The following PARG variants were observed in gnomAD, a reference collection of about 807,000 sequenced individuals.
The protein encoded by PARG is mitochondrial poly(ADP-ribose) glycohydrolase.
In PARG, 35 loss-of-function variants were observed where a neutral mutation model predicts 113.0. The ratio of observed to expected loss-of-function variants is 0.31; its 90% CI spans 0.24 to 0.41. The LOEUF (loss-of-function observed/expected upper bound fraction) is 0.41, where lower values mean the gene tolerates loss of function less well. Among genes scored for constraint, PARG ranks in the 10% least tolerant of loss-of-function variants. The pLI is 1.00. For missense variants in PARG, 797 were observed against 1,169.4 expected (o/e 0.68, Z 4.64); for synonymous variants, 330 against 409.9 (o/e 0.81, Z 2.36).
intron 13 of PARG, among the ~76,000 whole-genome samples, chr10:49,852,781 G>A (rs1358750983): frequency 1.3e-5 from 2 of 151,264 alleles, no homozygotes; most frequent in Non-Finnish European, 2.9e-5. Context: ...AGCCAGGATG[G>A]TCTCAATCTC....
At chr10:49,916,989 C>G (rs1429656542) in intron 6 of PARG, among the ~76,000 whole-genome samples, 2 of 151,926 alleles carry the variant, frequency 1.3e-5, no homozygotes, top group South Asian at 2.1e-4. Flanking sequence ...GTACTTCATG[C>G]CATACTAAGT....
rs1429546107 is a variant in PARG, at chr10:49,915,932, G to A, written c.1722C>T (p.Ile574=). ...YSKKWDFTAL[I]DFWDKVLEEA... ...ATACTTTTACCTTATCCCAGAAATC[G>A]ATCAAAGCTGTAAAGTCCCATTTCT... The change falls in exon 7 of 18, where the codon ATC becomes ATT. Residue 574 remains isoleucine (I), a synonymous_variant. Transcript: ENST00000616448. 25 of 1,512,214 alleles carry A rather than the reference G, an allele frequency of 1.7e-5. No individual in the cohort carries two copies. Among genetic ancestry groups the A allele is most frequent in the East Asian group, 2.5e-5 (1 of 40,800 alleles). The allele number at this position is 1,512,214 out of a possible 1,614,324, so 93.7% of individuals were successfully genotyped here.
In PARG at chr10:49,941,851, C is replaced by A; in HGVS notation, c.-126G>T. 1 of 1,513,460 alleles carries A rather than the reference C, an allele frequency of 6.6e-7. No homozygotes were observed. The allele number at this position is 1,513,460 out of a possible 1,614,324, so 93.8% of individuals were successfully genotyped here. A position where few individuals can be genotyped will look rare whatever the true frequency, so the allele number is the denominator to read the frequency against. On this transcript the variant is annotated 5_prime_UTR_variant, in exon 1 of 18. The change creates a new upstream start codon in the 5' untranslated region. Coordinates refer to ENST00000616448, the MANE Select transcript of PARG (RefSeq NM_003631.5). The stretch of plus-strand genomic sequence containing the variant: ...TGCACCATTCCCTCTCTGCCGCTGC[C>A]TGCTTCTGCAATTGCTGATCCGCCG...
At chr10:49,937,910 T>C (rs1316966083) in intron 1 of PARG, among the ~76,000 whole-genome samples, 40,531 of 152,164 alleles carry the variant, frequency 0.27, 5,696 homozygotes, top group Non-Finnish European at 0.32. Context: ...AATATCACTG[T>C]TTCTGGCTTC....
At chr10:49,857,072 G>C (rs1447818437) in intron 13 of PARG, among the ~76,000 whole-genome samples, 2 of 150,412 alleles carry the variant, frequency 1.3e-5, no homozygotes, top group Non-Finnish European at 3.0e-5. Context: ...TTTAATCCCT[G>C]TTCCTCAGAT....
At chr10:49,939,463 G>A (rs1278132319) in intron 1 of PARG, among the ~76,000 whole-genome samples, 1 of 152,138 alleles carries the variant, frequency 6.6e-6, no homozygotes, top group Non-Finnish European at 1.5e-5. Flanking sequence ...TGGCTTATTT[G>A]CCAGGTTACA....
chr10:49,920,528 A>C (rs569531592), intron 6 of PARG, among the ~76,000 whole-genome samples: 1 of 138,704 alleles, frequency 7.2e-6, no homozygotes, highest in African/African-American at 2.6e-5. Flanking sequence ...ATGTATATAC[A>C]TGTATATATA....
intron 16 of PARG, among the ~76,000 whole-genome samples, chr10:49,829,375 G>A (rs1290498205): frequency 6.6e-6 from 1 of 152,084 alleles, no homozygotes; most frequent in African/African-American, 2.4e-5. Context: ...TGGGACTATA[G>A]GCGCATACCA....
intron 4 of PARG, among the ~76,000 whole-genome samples, chr10:49,927,238 C>T: frequency 6.6e-6 from 1 of 151,542 alleles, no homozygotes; most frequent in Non-Finnish European, 1.5e-5. Flanking sequence ...ACCTGGGAGG[C>T]AGAGGTTGCA....
intron 1 of PARG, among the ~76,000 whole-genome samples, chr10:49,940,464 C>G (rs1489324077): frequency 2.0e-5 from 3 of 146,828 alleles, no homozygotes; most frequent in African/African-American, 7.6e-5. Flanking sequence ...CCTCATCTCT[C>G]ACACTCTCTT....
At chr10:49,869,308 T>C (rs1359977563) in intron 10 of PARG, among the ~76,000 whole-genome samples, 168 bp downstream of exon 10, 11 of 152,218 alleles carry the variant, frequency 7.2e-5, no homozygotes, top group African/African-American at 2.4e-4. Context: ...TTTATGCTTA[T>C]ACACAACATA....
At chr10:49,940,855 TTCC>T (rs1839011722) in intron 1 of PARG, among the ~76,000 whole-genome samples, 1 of 152,162 alleles carries the variant, frequency 6.6e-6, no homozygotes, top group South Asian at 2.1e-4. Context: ...CACTTCTTAC[TTCC>T]TCTTCATCTA....
intron 3 of PARG, among the ~76,000 whole-genome samples, chr10:49,932,938 C>A (rs1467674079): frequency 6.6e-6 from 1 of 151,904 alleles, no homozygotes; most frequent in African/African-American, 2.4e-5. Flanking sequence ...CCCATAAATA[C>A]CAAAAGGAAA....
chr10:49,929,163 G>C (rs1198803879), intron 4 of PARG, among the ~76,000 whole-genome samples: 4 of 151,124 alleles, frequency 2.6e-5, no homozygotes, highest in Admixed American at 6.6e-5. Flanking sequence ...TATAATGACG[G>C]TACAGGATGG....
At chr10:49,893,370 T>C (rs1304854962) in intron 7 of PARG, among the ~76,000 whole-genome samples, 6 of 152,232 alleles carry the variant, frequency 3.9e-5, no homozygotes, top group African/African-American at 1.4e-4. Context: ...TACCTTCCTT[T>C]GTGAAATCCT....
At chr10:49,882,528 A>G (rs1847266863) in intron 8 of PARG, among the ~76,000 whole-genome samples, 2 of 152,224 alleles carry the variant, frequency 1.3e-5, no homozygotes, top group South Asian at 4.1e-4. Flanking sequence ...AGTCACTGGG[A>G]GAAGCCAGGA....
intron 7 of PARG, among the ~76,000 whole-genome samples, chr10:49,908,752 C>T (rs1258992404): frequency 6.6e-6 from 1 of 152,038 alleles, no homozygotes; most frequent in African/African-American, 2.4e-5. Context: ...CAGAAACTTA[C>T]TTCAGTGTTA....
chr10:49,832,775 G>A, intron 16 of PARG, 28 bp downstream of exon 16: 1 of 1,329,118 alleles, frequency 7.5e-7, no homozygotes, highest in Admixed American at 2.1e-5. Context: ...TGGGCAGAAT[G>A]CTTTTATCCT....
At chr10:49,833,881 G>A (rs1349933736) in intron 15 of PARG, among the ~76,000 whole-genome samples, 10 of 152,036 alleles carry the variant, frequency 6.6e-5, no homozygotes, top group Non-Finnish European at 8.8e-5. Flanking sequence ...TGTTCCCAGA[G>A]AAAAACCAAG....
Sources: gnomAD v4.1 joint callset for allele counts (sites outside exome capture counted in the v4.1 genomes callset) on GRCh38, gnomAD v4.1.1 for gene constraint, MANE v1.5 for transcripts, NCBI Gene and HGNC (gene_info 2026-07-23, HGNC 2026-07-21) for gene names.